The following CEP76 variants were observed in gnomAD, a reference collection of about 807,000 sequenced individuals.
CEP76 encodes centrosomal protein of 76 kDa.
A neutral mutation model predicts 83.3 loss-of-function variants in CEP76; 55 were observed. The ratio of observed to expected loss-of-function variants is 0.66; its 90% CI spans 0.53 to 0.83. The LOEUF is 0.83. Among genes scored for constraint, CEP76 ranks in the 40% least tolerant of loss-of-function variants. The probability of loss-of-function intolerance (pLI) is 0.00; values close to 1 mark genes in which losing one functional copy is unlikely to be tolerated. For missense variants in CEP76, 694 were observed against 799.5 expected (o/e 0.87, Z 1.59); for synonymous variants, 270 against 274.5 (o/e 0.98, Z 0.16).
rs2039213853 is a variant in CEP76, at chr18:12,678,196, T to C, written c.1536A>G (p.Pro512=). ...PGATTSLPPF[P]PLCASTIDAS... is the part of the protein sequence containing the mutation. ...CGTCAATTGTGGATGCACACAGAGG[T>C]GGAAAGGGAGGAAGGGATGTTGTAG... Residue 512 remains proline, a synonymous_variant, in exon 10 of 12, where the codon CCA becomes CCG. Transcript: ENST00000262127. 1.2e-6 allele frequency: 2 copies of C among 1,614,098 alleles called. No homozygotes were observed. The highest frequency in any genetic ancestry group is 1.7e-6 in the Non-Finnish European group (2 of 1,180,022).
At chr18:12,666,836 A>G (rs2038814466) in intron 12 of CEP76, among the ~76,000 whole-genome samples, 2 of 152,134 alleles carry the variant, frequency 1.3e-5, no homozygotes, top group Admixed American at 6.6e-5. Context: ...GATTCTTCCA[A>G]TCAGGTTTAT....
chr18:12,695,863 C>CAT (rs2039937196), intron 5 of CEP76, among the ~76,000 whole-genome samples: 1 of 151,686 alleles, frequency 6.6e-6, no homozygotes, highest in South Asian at 2.1e-4. Flanking sequence ...CACACACACA[C>CAT]ACACACACAC....
chr18:12,683,131 AG>A (rs2039408531), intron 8 of CEP76, among the ~76,000 whole-genome samples: 1 of 146,468 alleles, frequency 6.8e-6, no homozygotes, highest in South Asian at 2.2e-4. Context: ...AGATCACTTG[AG>A]GCCAGGAGTT....
At chr18:12,691,541 C>T in intron 6 of CEP76, 54 bp from the exon 7 acceptor site, 1 of 1,333,782 alleles carries the variant, frequency 7.5e-7, no homozygotes, top group African/African-American at 1.5e-5. Flanking sequence ...TTAATTACTA[C>T]AAAATATGTA....
At chr18:12,665,927 C>T (rs890588807) in intron 12 of CEP76, among the ~76,000 whole-genome samples, 16 of 152,104 alleles carry the variant, frequency 1.1e-4, no homozygotes, top group Non-Finnish European at 1.9e-4. Context: ...GAACGCCTGA[C>T]CCCGTGATCT....
chr18:12,702,732 G>T, upstream of CEP76: 1 of 625,184 alleles, frequency 1.6e-6, no homozygotes, highest in Non-Finnish European at 2.7e-6. Context: ...ATGAGGCCCC[G>T]GCGGCGGCGG....
intron 4 of CEP76, among the ~76,000 whole-genome samples, chr18:12,697,659 CATAAG>C (rs1470754985): frequency 3.3e-5 from 5 of 152,164 alleles, no homozygotes; most frequent in African/African-American, 9.7e-5. Flanking sequence ...CTTTCTGATT[CATAAG>C]ATAAGTCTGT....
downstream of CEP76, among the ~76,000 whole-genome samples, chr18:12,668,024 G>T (rs962157068): frequency 1.3e-5 from 2 of 151,996 alleles, no homozygotes; most frequent in Non-Finnish European, 2.9e-5. Flanking sequence ...CAGCACTTTG[G>T]GAGGCCGAGG....
chr18:12,681,942 G>C (rs2039364367), intron 8 of CEP76, among the ~76,000 whole-genome samples: 2 of 151,678 alleles, frequency 1.3e-5, no homozygotes, highest in Admixed American at 1.3e-4. Context: ...ATTGCAGTGA[G>C]CTGAGATCGT....
At chr18:12,679,468 G>A (rs1028893644) in intron 9 of CEP76, among the ~76,000 whole-genome samples, 11 of 152,042 alleles carry the variant, frequency 7.2e-5, no homozygotes, top group Non-Finnish European at 1.2e-4. Flanking sequence ...TTTGTGGAGC[G>A]TCCGTTTCCC....
chr18:12,668,330 G>A (rs2038848109), downstream of CEP76, among the ~76,000 whole-genome samples: 1 of 151,818 alleles, frequency 6.6e-6, no homozygotes. Context: ...CGTCGCAGAT[G>A]CCAATAATCT....
intron 6 of CEP76, among the ~76,000 whole-genome samples, chr18:12,691,863 G>A (rs958734624): frequency 1.3e-5 from 2 of 151,922 alleles, no homozygotes; most frequent in Admixed American, 1.3e-4. Flanking sequence ...CTACAGGCAC[G>A]TGCCACCACA....
At chr18:12,668,590 T>C (rs1598606861), downstream of CEP76, among the ~76,000 whole-genome samples, 1 of 48,338 alleles carries the variant, frequency 2.1e-5, no homozygotes, top group African/African-American at 8.2e-5. Context: ...AGAGTAAGAT[T>C]CCATCTCAAA....
intron 12 of CEP76, among the ~76,000 whole-genome samples, chr18:12,666,248 A>T (rs2038800929): frequency 6.6e-6 from 1 of 151,934 alleles, no homozygotes; most frequent in Admixed American, 6.6e-5. Context: ...GGATCACTTG[A>T]GCCCAGGAGT....
At chr18:12,696,144 T>C (rs962119031) in intron 5 of CEP76, among the ~76,000 whole-genome samples, 4 of 152,216 alleles carry the variant, frequency 2.6e-5, no homozygotes, top group Non-Finnish European at 4.4e-5. Flanking sequence ...ATAAATTTCT[T>C]ACATAAAGGA....
At chr18:12,668,896 A>G (rs970352893), downstream of CEP76, among the ~76,000 whole-genome samples, 2 of 150,856 alleles carry the variant, frequency 1.3e-5, no homozygotes, top group East Asian at 2.0e-4. Context: ...GTGGGCTACT[A>G]TGCCTGGCTA....
intron 4 of CEP76, 46 bp from the exon 5 acceptor site, chr18:12,697,454 T>C (rs755434135): frequency 2.4e-6 from 3 of 1,265,028 alleles, no homozygotes; most frequent in Non-Finnish European, 3.3e-6. Flanking sequence ...ACATATTCAG[T>C]TAGGCCAACA....
intron 9 of CEP76, among the ~76,000 whole-genome samples, 174 bp from the exon 10 acceptor site, chr18:12,678,616 T>C (rs1002186771): frequency 6.6e-6 from 1 of 152,156 alleles, no homozygotes; most frequent in Admixed American, 6.6e-5. Flanking sequence ...AATTGTATGG[T>C]ACGTCTTTAC....
chr18:12,691,872 C>A (rs1350472142), intron 6 of CEP76, among the ~76,000 whole-genome samples: 1 of 152,034 alleles, frequency 6.6e-6, no homozygotes, highest in Non-Finnish European at 1.5e-5. Context: ...CGTGCCACCA[C>A]ACTCAGCTAA....
Sources: gnomAD v4.1 joint callset for allele counts (sites outside exome capture counted in the v4.1 genomes callset) on GRCh38, gnomAD v4.1.1 for gene constraint, MANE v1.5 for transcripts, NCBI Gene and HGNC (gene_info 2026-07-23, HGNC 2026-07-21) for gene names.